Variants in SET observed in about 807,000 individuals in gnomAD.
SET encodes the protein SET nuclear proto-oncogene, also known as protein SET.
SET carries 4 observed loss-of-function variants against 39.0 expected under a neutral mutation model. The ratio of observed to expected loss-of-function variants is 0.10; its 90% CI spans 0.05 to 0.23. The LOEUF (loss-of-function observed/expected upper bound fraction) is 0.23. Ranked by LOEUF, SET falls within the 10% of genes least tolerant of loss-of-function variation. The pLI, the probability that SET is intolerant of heterozygous loss-of-function variation, is 1.00. For missense variants in SET, 137 were observed against 329.7 expected (o/e 0.42, Z 4.53); for synonymous variants, 114 against 115.9 (o/e 0.98, Z 0.11).
At chr9:128,693,569 T>A in intron 5 of SET, 69 bp from the exon 6 acceptor site, 4 of 1,450,880 alleles carry the variant, frequency 2.8e-6, no homozygotes, top group Non-Finnish European at 3.7e-6. Context: ...AAAATCTTAT[T>A]TTTTAAATTA....
At chr9:128,692,157 T>G (rs996736470) in intron 3 of SET, among the ~76,000 whole-genome samples, 157 bp downstream of exon 3, 2 of 151,744 alleles carry the variant, frequency 1.3e-5, no homozygotes, top group Non-Finnish European at 2.9e-5. Context: ...GAGGCCGAGG[T>G]GGGTGGATCA....
chr9:128,691,800 C>T, intron 2 of SET, 58 bp from the exon 3 acceptor site: 2 of 1,520,848 alleles, frequency 1.3e-6, no homozygotes, highest in Non-Finnish European at 8.9e-7. Flanking sequence ...GTAATCTCAA[C>T]CAATTTTTTA....
chr9:128,691,009 A>C (rs1589457389), intron 1 of SET, 161 bp from the exon 2 acceptor site: 1 of 708,672 alleles, frequency 1.4e-6, no homozygotes, highest in African/African-American at 1.8e-5. Context: ...TAATTAATTA[A>C]AAAGAAATTA....
chr9:128,689,672 C>CG lies in SET; in HGVS notation c.73+22dup. 1.0e-6 allele frequency: 1 copy of CG among 971,790 alleles called. No homozygotes were observed. Among genetic ancestry groups the CG allele is most frequent in the Non-Finnish European group, 1.3e-6 (1 of 754,878 alleles). The allele number at this position is 971,790 out of a possible 1,614,324, so 60.2% of individuals were successfully genotyped here. A position where few individuals can be genotyped will look rare whatever the true frequency, so the allele number is the denominator to read the frequency against. On this transcript the variant is annotated intron_variant, in intron 1 of 7. Transcript: ENST00000322030. Reference sequence around the variant, plus strand: ...AGACCTCAGGTGAGAGCAGCGAGCCCGGGGGCCGGCCCGCGCCGCCATCTT... The same window carrying CG: ...AGACCTCAGGTGAGAGCAGCGAGCCCGGGGGGCCGGCCCGCGCCGCCATCTT...
chr9:128,693,342 A>G (rs930836126), intron 5 of SET, among the ~76,000 whole-genome samples: 1 of 152,208 alleles, frequency 6.6e-6, no homozygotes, highest in Admixed American at 6.5e-5. Context: ...ATGGCTTGCC[A>G]TTTCTCAAAA....
Position 128,695,476 on chromosome 9 carries a change from T to G in SET, c.*812T>G. 4.5e-6 allele frequency: 1 copy of G among 222,088 alleles called. No homozygotes were observed. Among genetic ancestry groups the G allele is most frequent in the Non-Finnish European group, 9.2e-6 (1 of 108,442 alleles). The allele number at this position is 222,088 out of a possible 1,614,324, so 13.8% of individuals were successfully genotyped here. A position where few individuals can be genotyped will look rare whatever the true frequency, so the allele number is the denominator to read the frequency against. On this transcript the variant is annotated 3_prime_UTR_variant, in exon 8 of 8. Coordinates refer to ENST00000322030, the MANE Select transcript of SET (RefSeq NM_003011.4). ...TGGAAAGGAAAGATGATGCTCAGTT[T>G]TAAACGTTAAAAGTGTACAAGTTGC...
At chr9:128,692,499 A>G (rs74327448) in intron 3 of SET, 163 bp from the exon 4 acceptor site, 14,554 of 549,446 alleles carry the variant, frequency 0.026, 272 homozygotes, top group South Asian at 0.042. Flanking sequence ...TTGCTTGATG[A>G]AAGATAGTGA....
At chr9:128,689,935 C>T (rs1373480416) in intron 1 of SET, 3 of 153,238 alleles carry the variant, frequency 2.0e-5, no homozygotes, top group East Asian at 4.2e-4. Flanking sequence ...CCCTCCCTCG[C>T]TCTCCTCCCC....
upstream of SET, among the ~76,000 whole-genome samples, chr9:128,684,549 C>T (rs768738877): frequency 6.6e-5 from 10 of 152,074 alleles, no homozygotes; most frequent in East Asian, 1.9e-4. Context: ...CTTGCCTCCC[C>T]GCGTCCTCCA....
At position 128,694,756 on chromosome 9, in the gene SET, T is replaced by C. The variant is rs1861670313; in HGVS notation, c.*92T>C. 1 of 700,180 alleles carries C rather than the reference T, an allele frequency of 1.4e-6. No individual in the cohort carries two copies. The highest frequency in any genetic ancestry group is 2.3e-6 in the Non-Finnish European group (1 of 433,222). 43.4% of individuals were successfully genotyped at this position (700,180 alleles called of 1,614,324 possible). Reference sequence around the variant, plus strand: ...AGTCTTTTTTTTTTTTTTTTTTTTTTTTCCCTCTTGTGCTCAGTCGCCCTG... The same window carrying C: ...AGTCTTTTTTTTTTTTTTTTTTTTTCTTCCCTCTTGTGCTCAGTCGCCCTG... On this transcript the variant is annotated 3_prime_UTR_variant, in exon 8 of 8. Transcript: ENST00000322030.
chr9:128,687,840 T>C (rs1323899626), upstream of SET, among the ~76,000 whole-genome samples: 1 of 152,208 alleles, frequency 6.6e-6, no homozygotes, highest in African/African-American at 2.4e-5. Context: ...TCCTCCTGCC[T>C]TGGCCTCCCA....
chr9:128,689,331 T>G lies in SET; in HGVS notation c.-252T>G, dbSNP rs1265323546. The stretch of plus-strand genomic sequence containing the variant: ...AGCCGAGCCGCCCGCCGCCGCCGCC[T>G]CCGCCTCCCCTCCGCGAACAGGAGC... On this transcript the variant is annotated 5_prime_UTR_variant, in exon 1 of 8. Coordinates refer to ENST00000322030, the MANE Select transcript of SET (RefSeq NM_003011.4). 9 of 1,034,004 alleles carry G rather than the reference T, an allele frequency of 8.7e-6. No homozygotes were observed. The highest frequency in any genetic ancestry group is 9.3e-6 in the Non-Finnish European group (8 of 860,746). The allele number at this position is 1,034,004 out of a possible 1,614,324, so 64.1% of individuals were successfully genotyped here. A position where few individuals can be genotyped will look rare whatever the true frequency, so the allele number is the denominator to read the frequency against.
In SET at chr9:128,691,018, T is replaced by C. The variant is rs1564359670; in HGVS notation, c.74-152T>C. 4.2e-6 allele frequency: 3 copies of C among 721,394 alleles called. No homozygotes were observed. The Admixed American group carries it at 7.0e-5, about 17-fold the overall frequency. The allele number at this position is 721,394 out of a possible 1,614,324, so 44.7% of individuals were successfully genotyped here. On this transcript the variant is annotated intron_variant, in intron 1 of 7. Coordinates refer to ENST00000322030, the MANE Select transcript of SET (RefSeq NM_003011.4). ...GTCTTTTAATTAATTAAAAAGAAATTAGTCAGCTACAAGCATGAACATGTG... is the reference window on the plus strand; with the variant it reads ...GTCTTTTAATTAATTAAAAAGAAATCAGTCAGCTACAAGCATGAACATGTG...
upstream of SET, chr9:128,683,558 G>A (rs1339342426): frequency 1.1e-5 from 3 of 273,596 alleles, no homozygotes; most frequent in Admixed American, 1.0e-4. Context: ...ACGAACTGGG[G>A]GATAGGCTGC....
At position 128,689,365 on chromosome 9, in the gene SET, G is replaced by T. The variant is rs1010419231; in HGVS notation, c.-218G>T. The T allele has an allele frequency of 5.8e-6, 6 of 1,028,526 alleles. No homozygotes were observed. The highest frequency in any genetic ancestry group is 1.7e-5 in the African/African-American group (1 of 58,518). The allele number at this position is 1,028,526 out of a possible 1,614,324, so 63.7% of individuals were successfully genotyped here. A position where few individuals can be genotyped will look rare whatever the true frequency, so the allele number is the denominator to read the frequency against. ...CCTCCGCGAACAGGAGCCCGGGCCGGGGCCCGGCACGCCGCCCCAGCCCGT... is the reference window on the plus strand; with the variant it reads ...CCTCCGCGAACAGGAGCCCGGGCCGTGGCCCGGCACGCCGCCCCAGCCCGT... On this transcript the variant is annotated 5_prime_UTR_variant, in exon 1 of 8. Transcript: ENST00000322030.
At chr9:128,685,398 C>T (rs1589449813), upstream of SET, among the ~76,000 whole-genome samples, 1 of 152,194 alleles carries the variant, frequency 6.6e-6, no homozygotes, top group African/African-American at 2.4e-5. Flanking sequence ...TAGTTTCCTT[C>T]CAGTGAGCTT....
chr9:128,695,838 G>C lies in SET; in HGVS notation c.*1174G>C, dbSNP rs530578631. On this transcript the variant is annotated 3_prime_UTR_variant, in exon 8 of 8. Transcript: ENST00000322030. ...CCTTGATTTTTATCTCCAAGTGGCA[G>C]TTTTTAAAATTGGCCTTTTACCTGG... The C allele has an allele frequency of 8.8e-6, 2 of 228,468 alleles. No homozygotes were observed. Among genetic ancestry groups the C allele is most frequent in the Non-Finnish European group, 1.7e-5 (2 of 114,440 alleles). The allele number at this position is 228,468 out of a possible 1,614,324, so 14.2% of individuals were successfully genotyped here. A position where few individuals can be genotyped will look rare whatever the true frequency, so the allele number is the denominator to read the frequency against.
At position 128,689,776 on chromosome 9, in the gene SET, G is replaced by A. The variant is rs1347446054; in HGVS notation, c.73+121G>A. 4.7e-4 allele frequency: 70 copies of A among 149,270 alleles called. 1 individual carries two copies. The highest frequency in any genetic ancestry group is 2.1e-3 in the Admixed American group (30 of 14,618). The allele number at this position is 149,270 out of a possible 1,614,324, so 9.2% of individuals were successfully genotyped here. ...GGCGCCGGGCGGGGGGGCGCGGCGC[G>A]GCCGGGCGGGGGCCCGCGGACTCGG... On this transcript the variant is annotated intron_variant, in intron 1 of 7. Coordinates refer to ENST00000322030, the MANE Select transcript of SET (RefSeq NM_003011.4).
Position 128,695,113 on chromosome 9 carries a change from C to G in SET, c.*449C>G, listed in dbSNP as rs1221634663. The G allele has an allele frequency of 1.3e-5, 3 of 225,376 alleles. No individual in the cohort carries two copies. The highest frequency in any genetic ancestry group is 3.7e-4 in the South Asian group (2 of 5,450). 14.0% of individuals were successfully genotyped at this position (225,376 alleles called of 1,614,324 possible). A position where few individuals can be genotyped will look rare whatever the true frequency, so the allele number is the denominator to read the frequency against. On this transcript the variant is annotated 3_prime_UTR_variant, in exon 8 of 8. Coordinates refer to ENST00000322030, the MANE Select transcript of SET (RefSeq NM_003011.4). ...GTGAATATGGACAGTTAGCATTTAC[C>G]AACATGTATCTGTCTACTTTCTCTT...
Sources: allele counts gnomAD v4.1 joint callset (sites outside exome capture counted in the v4.1 genomes callset), GRCh38; gene constraint gnomAD v4.1.1; transcripts MANE v1.5; gene names NCBI Gene and HGNC (gene_info 2026-07-23, HGNC 2026-07-21).